GPR180: variants seen among roughly 807,000 people sequenced by gnomAD.
The protein encoded by GPR180 is integral membrane protein GPR180.
A neutral mutation model predicts 52.6 loss-of-function variants in GPR180; 53 were observed. That is an observed-to-expected ratio of 1.01 (90% CI 0.81 to 1.27). GPR180 has a LOEUF of 1.27. Among genes scored for constraint, GPR180 ranks in the 50% most tolerant of loss-of-function variants. The pLI is 0.00. For synonymous variants in GPR180, 200 were observed against 193.1 expected, an observed-to-expected ratio of 1.04 and a Z score of -0.30; for missense variants, 533 against 527.0, an observed-to-expected ratio of 1.01 and a Z score of -0.11.
intron 1 of GPR180, 83 bp from the exon 2 acceptor site, chr13:94,605,308 G>C (rs1025602228): frequency 1.3e-5 from 16 of 1,225,526 alleles, no homozygotes. Context: ...TTTCCATTTT[G>C]GTAAGTAGAG....
chr13:94,625,939 C>CTT (rs760016943), intron 7 of GPR180, 27 bp from the exon 8 acceptor site: 325 of 1,573,502 alleles, frequency 2.1e-4, no homozygotes, highest in Non-Finnish European at 2.6e-4. Context: ...CACAGTTCTA[C>CTT]TTATTTCACT....
At chr13:94,625,460 G>T (rs1252714701) in intron 7 of GPR180, among the ~76,000 whole-genome samples, 1 of 151,794 alleles carries the variant, frequency 6.6e-6, no homozygotes. Context: ...TACATTACTA[G>T]GTTCAAGGAA....
In GPR180 at chr13:94,627,251, T is replaced by G. The variant is rs9524568; in HGVS notation, c.*80T>G. On this transcript the variant is annotated 3_prime_UTR_variant, in exon 9 of 9. Coordinates refer to ENST00000376958, the MANE Select transcript of GPR180 (RefSeq NM_180989.6). ...TCCAAATACAGTGACTTTTTTTTCATACATTTAGTATGAAAACTTGAACAG... is the reference window on the plus strand; with the variant it reads ...TCCAAATACAGTGACTTTTTTTTCAGACATTTAGTATGAAAACTTGAACAG... 4.1e-6 allele frequency: 5 copies of G among 1,227,774 alleles called. No homozygotes were observed. Among genetic ancestry groups the G allele is most frequent in the Middle Eastern group, 1.9e-4 (1 of 5,340 alleles). The allele number at this position is 1,227,774 out of a possible 1,614,324, so 76.1% of individuals were successfully genotyped here.
At position 94,619,178 on chromosome 13, in the gene GPR180, C is replaced by T. The variant is rs1443251184; in HGVS notation, c.534C>T (p.Val178=). Residue 178 remains valine (V), a synonymous_variant, in exon 4 of 9, where the codon GTC becomes GTT. Coordinates refer to ENST00000376958, the MANE Select transcript of GPR180 (RefSeq NM_180989.6). ...SGLHEFFFLL[V]LVYFVIACIY... ...TACATGAGTTCTTTTTCCTCCTAGT[C>T]CTAGTGTACTTTGTGATTGCTTGCA... 1 of 1,613,918 alleles carries T rather than the reference C, an allele frequency of 6.2e-7. No individual in the cohort carries two copies. The highest frequency in any genetic ancestry group is 1.1e-5 in the South Asian group (1 of 91,052).
Position 94,621,154 on chromosome 13 carries a change from G to C in GPR180, c.813G>C (p.Met271Ile), listed in dbSNP as rs113947424. 2,217 of 1,612,664 alleles carry C rather than the reference G, an allele frequency of 1.4e-3. 37 individuals carry two copies. The African/African-American group carries it at 0.026, about 19-fold the overall frequency. The change falls in exon 6 of 9, where the codon ATG (methionine) becomes ATC (isoleucine). Residue 271 changes from methionine to isoleucine, a missense_variant. By Grantham distance (10) the Met-to-Ile change is conservative. Coordinates refer to ENST00000376958, the MANE Select transcript of GPR180 (RefSeq NM_180989.6). ...SLCMGWTIVR[M>I]KKSQSRPLQW... ...GCATGGGTTGGACAATAGTCAGAAT[G>C]AAGAAGTCTCAAAGCAGACCTCTCC...
At chr13:94,626,931 G>T in intron 8 of GPR180, 82 bp from the exon 9 acceptor site, 1 of 1,046,700 alleles carries the variant, frequency 9.6e-7, no homozygotes. Flanking sequence ...TATATAAAAA[G>T]CATATATAGA....
chr13:94,614,126 C>G (rs541680301), intron 3 of GPR180, among the ~76,000 whole-genome samples: 4 of 152,178 alleles, frequency 2.6e-5, no homozygotes, highest in Non-Finnish European at 4.4e-5. Context: ...GCCTTGGTCT[C>G]CCAAAGTGCT....
intron 7 of GPR180, 52 bp downstream of exon 7, chr13:94,623,352 T>A: frequency 7.0e-7 from 1 of 1,429,668 alleles, no homozygotes. Flanking sequence ...TTGGTTCTGG[T>A]TTCTTTGGGA....
At position 94,630,274 on chromosome 13, in the gene GPR180, T is replaced by C. The variant is rs1374619990; in HGVS notation, c.*3103T>C. Reference sequence around the variant, plus strand: ...CTTCTGCACAGCTCCAGGGGCATCATATGTGTTGTGCTGTAGGAGTGCCAT... The same window carrying C: ...CTTCTGCACAGCTCCAGGGGCATCACATGTGTTGTGCTGTAGGAGTGCCAT... On this transcript the variant is annotated 3_prime_UTR_variant, in exon 9 of 9. Coordinates refer to ENST00000376958, the MANE Select transcript of GPR180 (RefSeq NM_180989.6). 6.6e-6 allele frequency: 1 copy of C among 152,144 alleles called. No individual in the cohort carries two copies. The highest frequency in any genetic ancestry group is 6.6e-5 in the Admixed American group (1 of 15,266). The allele number at this position is 152,144 out of a possible 1,614,324, so 9.4% of individuals were successfully genotyped here. A position where few individuals can be genotyped will look rare whatever the true frequency, so the allele number is the denominator to read the frequency against.
rs1160618975 is a variant in GPR180 at position 94,630,340 on chromosome 13, G to A, written c.*3169G>A. The A allele has an allele frequency of 3.9e-5, 6 of 152,294 alleles. No individual in the cohort carries two copies. The highest frequency in any genetic ancestry group is 3.9e-4 in the East Asian group (2 of 5,186). The allele number at this position is 152,294 out of a possible 1,614,324, so 9.4% of individuals were successfully genotyped here. On this transcript the variant is annotated 3_prime_UTR_variant, in exon 9 of 9. Transcript: ENST00000376958. ...GGAAAGAAGTGATCCTGCCCACTAG[G>A]GCCATTCTCCACAGTGTAGCCAAAA... is the stretch of plus-strand genomic sequence containing the variant.
Position 94,627,488 on chromosome 13 carries a change from C to G in GPR180, c.*317C>G, listed in dbSNP as rs1448902573. The G allele has an allele frequency of 7.0e-6, 2 of 285,804 alleles. No homozygotes were observed. Among genetic ancestry groups the G allele is most frequent in the Non-Finnish European group, 1.3e-5 (2 of 155,288 alleles). 17.7% of individuals were successfully genotyped at this position (285,804 alleles called of 1,614,324 possible). On this transcript the variant is annotated 3_prime_UTR_variant, in exon 9 of 9. Coordinates refer to ENST00000376958, the MANE Select transcript of GPR180 (RefSeq NM_180989.6). ...ATATTCACCACTTATAATGCCTCAT[C>G]TTAATAGCTAACTCAGGTTTAATAG...
At chr13:94,618,420 ATTTTTTTT>A (rs570807308) in intron 3 of GPR180, among the ~76,000 whole-genome samples, 9 of 87,138 alleles carry the variant, frequency 1.0e-4, no homozygotes, top group Admixed American at 1.2e-4. Context: ...TCAGCACAGG[ATTTTTTTT>A]TTTTTTTTTT....
chr13:94,624,527 G>T (rs553800859), intron 7 of GPR180, among the ~76,000 whole-genome samples: 1 of 152,148 alleles, frequency 6.6e-6, no homozygotes, highest in Admixed American at 6.6e-5. Context: ...TGTATTTGAG[G>T]TGTTTAGGCA....
intron 2 of GPR180, among the ~76,000 whole-genome samples, chr13:94,606,218 C>T (rs1395901988): frequency 1.3e-5 from 2 of 152,160 alleles, no homozygotes; most frequent in African/African-American, 4.8e-5. Context: ...ATTGCTTGAA[C>T]CTGGGAGGCA....
intron 7 of GPR180, among the ~76,000 whole-genome samples, chr13:94,624,967 CCA>C (rs893373598): frequency 7.9e-5 from 12 of 152,002 alleles, no homozygotes; most frequent in African/African-American, 2.7e-4. Flanking sequence ...GCATGTGCTA[CCA>C]CACCTGGCTA....
In GPR180 at chr13:94,619,155, C is replaced by G; in HGVS notation, c.511C>G (p.His171Asp). ...TCCCTTTCTTCTCTTCACAGGGTTA[C>G]ATGAGTTCTTTTTCCTCCTAGTCCT... ...DHFSAGESGL[H>D]EFFFLLVLVY... Residue 171 changes from histidine to aspartate, a missense_variant, in exon 4 of 9, where the codon CAT (histidine) becomes GAT (aspartate). Physicochemically the swap from His to Asp is moderately conservative, Grantham distance 81. Coordinates refer to ENST00000376958, the MANE Select transcript of GPR180 (RefSeq NM_180989.6). 2 of 1,613,556 alleles carry G rather than the reference C, an allele frequency of 1.2e-6. No homozygotes were observed. Among genetic ancestry groups the G allele is most frequent in the South Asian group, 1.1e-5 (1 of 90,974 alleles).
chr13:94,606,191 C>A (rs560724706), intron 2 of GPR180, among the ~76,000 whole-genome samples: 1 of 152,246 alleles, frequency 6.6e-6, no homozygotes, highest in African/African-American at 2.4e-5. Context: ...AGCTACTTGG[C>A]AGGCTGAGGC....
intron 6 of GPR180, 30 bp downstream of exon 6, chr13:94,621,265 A>C: frequency 6.6e-7 from 1 of 1,507,128 alleles, no homozygotes; most frequent in Non-Finnish European, 8.9e-7. Context: ...GTTTCTGCTT[A>C]GTAATCCTCA....
At chr13:94,624,698 A>G (rs1407990043) in intron 7 of GPR180, among the ~76,000 whole-genome samples, 2 of 151,662 alleles carry the variant, frequency 1.3e-5, no homozygotes, top group Admixed American at 1.3e-4. Context: ...ACTCGCGCCC[A>G]CGCCCGGCTA....
Sources: gnomAD v4.1 joint callset for allele counts (sites outside exome capture counted in the v4.1 genomes callset) on GRCh38, gnomAD v4.1.1 for gene constraint, MANE v1.5 for transcripts, NCBI Gene and HGNC (gene_info 2026-07-23, HGNC 2026-07-21) for gene names.